Variants in ARHGAP26 observed in about 807,000 individuals in gnomAD.
The protein encoded by ARHGAP26 is rho GTPase-activating protein 26.
ARHGAP26 carries 38 observed loss-of-function variants against 104.8 expected under a neutral mutation model. That is an observed-to-expected ratio of 0.36 (90% CI 0.28 to 0.48). The LOEUF (loss-of-function observed/expected upper bound fraction) is 0.48. Ranked by LOEUF, ARHGAP26 falls within the 20% of genes least tolerant of loss-of-function variation. The pLI, the probability that ARHGAP26 is intolerant of heterozygous loss-of-function variation, is 0.99. For missense variants in ARHGAP26, 704 were observed against 947.9 expected, an observed-to-expected ratio of 0.74 and a Z score of 3.38; for synonymous variants, 341 against 340.0, an observed-to-expected ratio of 1.00 and a Z score of -0.03.
chr5:143,000,270 C>T (rs1777008653), intron 11 of ARHGAP26, among the ~76,000 whole-genome samples: 1 of 152,180 alleles, frequency 6.6e-6, no homozygotes, highest in Admixed American at 6.5e-5. Context: ...CAGTTCCACT[C>T]CTAGGTATTT....
chr5:143,219,505 T>C (rs964799364), intron 22 of ARHGAP26, among the ~76,000 whole-genome samples: 1 of 152,180 alleles, frequency 6.6e-6, no homozygotes, highest in African/African-American at 2.4e-5. Context: ...ATGAATACTA[T>C]GTGGAATGTA....
chr5:143,189,361 A>C (rs1805577787), intron 20 of ARHGAP26, among the ~76,000 whole-genome samples: 1 of 152,182 alleles, frequency 6.6e-6, no homozygotes, highest in Admixed American at 6.5e-5. Flanking sequence ...TACTTTGTTG[A>C]GATCTCGGCT....
In ARHGAP26 at chr5:142,950,945, ACCTTTC is replaced by A. The variant is rs376988920; in HGVS notation, c.1107+18837_1107+18842del. On this transcript the variant is annotated intron_variant, in intron 11 of 22. Transcript: ENST00000645722. ...TAGATCTTTGAGAAGTGAGAATAAGACCTTTCCCTTTCCCTTTCCCTTCCTCTTTCC... is the reference window on the plus strand; with the variant it reads ...TAGATCTTTGAGAAGTGAGAATAAGACCTTTCCCTTTCCCTTCCTCTTTCC... Among the ~76,000 whole-genome samples, 609 of 151,680 alleles carry A rather than the reference ACCTTTC, an allele frequency of 4.0e-3. 5 individuals are homozygous for A. The highest frequency in any genetic ancestry group is 0.024 in the Middle Eastern group (7 of 294).
intron 1 of ARHGAP26, among the ~76,000 whole-genome samples, chr5:142,807,011 G>A (rs912153836): frequency 2.6e-5 from 4 of 152,158 alleles, no homozygotes; most frequent in Non-Finnish European, 4.4e-5. Context: ...TACTGTGCCC[G>A]TCCTCAAGGT....
intron 17 of ARHGAP26, among the ~76,000 whole-genome samples, chr5:143,093,426 C>T (rs1305289415): frequency 2.0e-5 from 3 of 152,136 alleles, no homozygotes; most frequent in Admixed American, 2.0e-4. Flanking sequence ...CTTCAATTAT[C>T]AATTATAGGT....
At position 142,875,127 on chromosome 5, in the gene ARHGAP26, T is replaced by A. The variant is rs1374818721; in HGVS notation, c.268T>A (p.Phe90Ile). 2 of 1,613,906 alleles carry A rather than the reference T, an allele frequency of 1.2e-6. No individual in the cohort carries two copies. The highest frequency in any genetic ancestry group is 1.7e-6 in the Non-Finnish European group (2 of 1,179,980). ...TTTTCCAGCAAGATCTTTGCAGGAG[T>A]TTGCCACTGTCCTCAGGAATCTTGA... ...EMCIARSLQE[F>I]ATVLRNLEDE... The change falls in exon 3 of 23, where the codon TTT (phenylalanine) becomes ATT (isoleucine). Residue 90 changes from phenylalanine to isoleucine, a missense_variant. Transcript: ENST00000645722.
chr5:143,098,302 C>T (rs1792707830), intron 17 of ARHGAP26, among the ~76,000 whole-genome samples: 1 of 152,138 alleles, frequency 6.6e-6, no homozygotes, highest in Non-Finnish European at 1.5e-5. Flanking sequence ...TCCTTCTAAG[C>T]ATACAATTCC....
chr5:143,221,260 C>A (rs1219434802), intron 22 of ARHGAP26, among the ~76,000 whole-genome samples: 1 of 151,838 alleles, frequency 6.6e-6, no homozygotes, highest in Admixed American at 6.6e-5. Context: ...GATATATATT[C>A]TTTGGATACT....
At chr5:142,930,836 C>T (rs772984255) in intron 10 of ARHGAP26, among the ~76,000 whole-genome samples, 6 of 152,090 alleles carry the variant, frequency 3.9e-5, no homozygotes, top group Non-Finnish European at 8.8e-5. Context: ...ATGTTAAACA[C>T]AAATAGGTTT....
intron 20 of ARHGAP26, among the ~76,000 whole-genome samples, chr5:143,200,768 G>A (rs1807585729): frequency 6.6e-6 from 1 of 152,148 alleles, no homozygotes; most frequent in Non-Finnish European, 1.5e-5. Context: ...CTTCTTCGTG[G>A]TCAGCTTACT....
chr5:143,077,320 G>T (rs570235371), intron 17 of ARHGAP26, among the ~76,000 whole-genome samples: 40 of 152,266 alleles, frequency 2.6e-4, no homozygotes, highest in African/African-American at 8.7e-4. Context: ...TGAAGACCTG[G>T]AATATCAGGG....
rs1382900984 is a variant in ARHGAP26, at chr5:143,027,617, T to G, written c.1145-9579T>G. Among the ~76,000 whole-genome samples, 5 of 152,222 alleles carry G rather than the reference T, an allele frequency of 3.3e-5. No individual in the cohort carries two copies. In the South Asian group the frequency reaches 1.0e-3, roughly 31 times the overall value. On this transcript the variant is annotated intron_variant, in intron 12 of 22. Coordinates refer to ENST00000645722, the MANE Select transcript of ARHGAP26 (RefSeq NM_001135608.3). Reference sequence around the variant, plus strand: ...GCTATGTGTGATAAATCAGTAGATTTCTAATATTCATTAAAATAAAAGTAT... The same window carrying G: ...GCTATGTGTGATAAATCAGTAGATTGCTAATATTCATTAAAATAAAAGTAT...
intron 11 of ARHGAP26, among the ~76,000 whole-genome samples, chr5:142,991,034 T>A (rs1775532802): frequency 1.3e-5 from 2 of 152,344 alleles, no homozygotes; most frequent in Admixed American, 6.5e-5. Flanking sequence ...CTGCTGCCTT[T>A]TTTTCAGCTA....
rs558695654 is a variant in ARHGAP26 at position 143,165,638 on chromosome 5, G to A, written c.1988+18257G>A. 3.3e-5 allele frequency among the ~76,000 whole-genome samples: 5 copies of A among 152,252 alleles called. No homozygotes were observed. The East Asian group carries it at 9.7e-4, about 29-fold the overall frequency. ...GTGGGTATATTGTGTGATGTTATGA[G>A]GACTGGGCTTCTAATGTACCCATCA... On this transcript the variant is annotated intron_variant, in intron 20 of 22. Coordinates refer to ENST00000645722, the MANE Select transcript of ARHGAP26 (RefSeq NM_001135608.3).
At chr5:142,897,025 T>C (rs1759566238) in intron 6 of ARHGAP26, among the ~76,000 whole-genome samples, 1 of 152,128 alleles carries the variant, frequency 6.6e-6, no homozygotes, top group Non-Finnish European at 1.5e-5. Flanking sequence ...TTTGGTAGCT[T>C]TAAAAGTATG....
chr5:142,986,195 C>T (rs1774700786), intron 11 of ARHGAP26, among the ~76,000 whole-genome samples: 1 of 152,112 alleles, frequency 6.6e-6, no homozygotes, highest in Non-Finnish European at 1.5e-5. Flanking sequence ...TAATGATCGC[C>T]ATTCTAACTG....
intron 20 of ARHGAP26, among the ~76,000 whole-genome samples, chr5:143,181,112 T>C (rs1166574895): frequency 6.6e-6 from 1 of 152,254 alleles, no homozygotes; most frequent in East Asian, 1.9e-4. Context: ...GCCTTGGCCA[T>C]CTGGCCTTCC....
At chr5:143,140,307 T>A (rs998218322) in intron 19 of ARHGAP26, among the ~76,000 whole-genome samples, 3 of 152,204 alleles carry the variant, frequency 2.0e-5, no homozygotes, top group African/African-American at 7.2e-5. Context: ...GCATGGTGGT[T>A]GAAAGTGGAG....
intron 11 of ARHGAP26, among the ~76,000 whole-genome samples, chr5:142,980,092 A>G (rs1195833864): frequency 6.6e-6 from 1 of 152,082 alleles, no homozygotes. Flanking sequence ...CACTCTTCTG[A>G]CTTATATTGC....
Sources: allele counts gnomAD v4.1 joint callset (sites outside exome capture counted in the v4.1 genomes callset), GRCh38; gene constraint gnomAD v4.1.1; transcripts MANE v1.5; gene names NCBI Gene and HGNC (gene_info 2026-07-23, HGNC 2026-07-21).